Variants in FER1L6 observed in about 807,000 individuals in gnomAD.
The protein encoded by FER1L6 is fer-1 like family member 6.
FER1L6 carries 177 observed loss-of-function variants against 219.2 expected under a neutral mutation model. The ratio of observed to expected loss-of-function variants is 0.81; its 90% CI spans 0.71 to 0.91. The LOEUF is 0.91. FER1L6 is among the 40% of genes least tolerant of loss of function. FER1L6 has a pLI of 0.00. For synonymous variants in FER1L6, 768 were observed against 824.3 expected (o/e 0.93, Z 1.17); for missense variants, 2,153 against 2,259.9 (o/e 0.95, Z 0.96).
chr8:123,938,628 C>T (rs944401582), intron 1 of FER1L6, among the ~76,000 whole-genome samples: 12 of 151,096 alleles, frequency 7.9e-5, no homozygotes, highest in African/African-American at 2.7e-4. Context: ...CTCACTGCAA[C>T]CTCCACCTCC....
intron 1 of FER1L6, among the ~76,000 whole-genome samples, chr8:123,930,869 C>T (rs1813737588): frequency 6.6e-6 from 1 of 152,116 alleles, no homozygotes; most frequent in Admixed American, 6.5e-5. Context: ...GGATGGAGAT[C>T]ACGTCTATAC....
intron 1 of FER1L6, among the ~76,000 whole-genome samples, chr8:123,890,625 ATTTTTTTTTT>A (rs59914385): frequency 9.8e-5 from 9 of 91,432 alleles, no homozygotes; most frequent in African/African-American, 3.8e-4. Flanking sequence ...TAAAAATTTG[ATTTTTTTTTT>A]TTTTTTTTTT....
In FER1L6 at chr8:124,082,406, CG is replaced by C; in HGVS notation, c.4340del (p.Arg1447ProfsTer18). Reference sequence around the variant, plus strand: ...TGAGACCAAGATCGACCTGGAGAACCGCTTCTACAGCAAACACCGAGCCATC... The same window carrying C: ...TGAGACCAAGATCGACCTGGAGAACCCTTCTACAGCAAACACCGAGCCATC... Reference protein sequence around the residue: ...IGETKIDLENRFYSKHRAICG... With the variant: ...IGETKIDLENXFYSKHRAICG... On this transcript the variant is annotated frameshift_variant, in exon 33 of 41. Transcript: ENST00000522917. LOFTEE classifies it high-confidence loss of function. 6.2e-7 allele frequency: 1 copy of C among 1,614,054 alleles called. No homozygotes were observed.
chr8:124,020,749 G>A (rs1182110179), intron 16 of FER1L6, among the ~76,000 whole-genome samples: 3 of 152,140 alleles, frequency 2.0e-5, no homozygotes, highest in African/African-American at 4.8e-5. Context: ...GGGAAAAATA[G>A]AACCTACCTC....
chr8:124,064,023 A>G (rs778319107), intron 25 of FER1L6, among the ~76,000 whole-genome samples: 1 of 152,196 alleles, frequency 6.6e-6, no homozygotes, highest in Non-Finnish European at 1.5e-5. Context: ...CAATCCCCCT[A>G]GACACAGAAT....
chr8:124,023,408 AT>A lies in FER1L6; in HGVS notation c.2134-34del, dbSNP rs763695125. 23 of 1,598,800 alleles carry A rather than the reference AT, an allele frequency of 1.4e-5. No homozygotes were observed. In the African/African-American group the frequency reaches 3.0e-4, roughly 21 times the overall value. On this transcript the variant is annotated intron_variant, in intron 17 of 40. Transcript: ENST00000522917. ...GTTCAATGCCAACCTTTCAAATCCC[AT>A]TCCTATTCAATCCCAACTCCCTCTA...
Position 124,049,657 on chromosome 8 carries a change from G to C in FER1L6, c.2775G>C (p.Leu925=). Residue 925 remains leucine, a synonymous_variant, in exon 22 of 41, where the codon CTG becomes CTC. Transcript: ENST00000522917. ...GATVAAPVVK[L]ADQDYEPPRL... The stretch of plus-strand genomic sequence containing the variant: ...CAGTGGCTGCTCCTGTTGTGAAGCT[G>C]GCTGACCAGGACTATGAGCCCCCCA... 6.2e-7 allele frequency: 1 copy of C among 1,614,004 alleles called. No homozygotes were observed. The highest frequency in any genetic ancestry group is 8.5e-7 in the Non-Finnish European group (1 of 1,179,988).
chr8:124,085,312 T>C (rs539199174), intron 33 of FER1L6, among the ~76,000 whole-genome samples: 1 of 152,200 alleles, frequency 6.6e-6, no homozygotes, highest in African/African-American at 2.4e-5. Context: ...AGATATATTG[T>C]TACATTATTT....
At chr8:123,909,981 G>A (rs1211170149) in intron 1 of FER1L6, among the ~76,000 whole-genome samples, 3 of 152,180 alleles carry the variant, frequency 2.0e-5, no homozygotes, top group Non-Finnish European at 2.9e-5. Flanking sequence ...ACCATTTTTA[G>A]CTTGGTGTGA....
intron 18 of FER1L6, among the ~76,000 whole-genome samples, chr8:124,027,224 T>C (rs1586608956): frequency 6.6e-6 from 1 of 152,194 alleles, no homozygotes; most frequent in East Asian, 1.9e-4. Flanking sequence ...AACTTCAACA[T>C]AAAAATTTTG....
At chr8:123,993,472 T>C (rs570565233) in intron 12 of FER1L6, among the ~76,000 whole-genome samples, 1 of 150,786 alleles carries the variant, frequency 6.6e-6, no homozygotes, top group Admixed American at 6.6e-5. Flanking sequence ...GAAGAATGTA[T>C]ATCCAAGACC....
At chr8:124,053,529 T>C (rs993652319) in intron 22 of FER1L6, among the ~76,000 whole-genome samples, 1 of 152,168 alleles carries the variant, frequency 6.6e-6, no homozygotes, top group Non-Finnish European at 1.5e-5. Flanking sequence ...AATGCCTTCA[T>C]TTGTTACCAG....
In FER1L6 at chr8:124,076,328, C is replaced by A. The variant is rs1368338645; in HGVS notation, c.4220+3C>A. The A allele has an allele frequency of 2.5e-5, 40 of 1,612,726 alleles. No individual in the cohort carries two copies. Among genetic ancestry groups the A allele is most frequent in the Non-Finnish European group, 3.3e-5 (39 of 1,179,062 alleles). ...CAACTGAACCCAGTATTTGGAAGGT[C>A]AGTGGCCATCTGGGCTGTGTTTTAT... On this transcript the variant is annotated splice_donor_region_variant and intron_variant, in intron 32 of 40. Transcript: ENST00000522917.
intron 1 of FER1L6, among the ~76,000 whole-genome samples, chr8:123,878,502 C>T (rs955908870): frequency 7.9e-5 from 12 of 152,308 alleles, no homozygotes; most frequent in Middle Eastern, 3.4e-3. Flanking sequence ...TGACTTTTGT[C>T]GCTTCTACTG....
intron 13 of FER1L6, 48 bp from the exon 14 acceptor site, chr8:124,010,546 G>A: frequency 6.2e-7 from 1 of 1,606,146 alleles, no homozygotes; most frequent in East Asian, 2.2e-5. Flanking sequence ...GGGGTTGCCT[G>A]GAAAACACTG....
intron 20 of FER1L6, among the ~76,000 whole-genome samples, chr8:124,044,228 GAC>G (rs1433016519): frequency 1.3e-5 from 2 of 152,210 alleles, no homozygotes; most frequent in African/African-American, 4.8e-5. Flanking sequence ...TGATGTCACT[GAC>G]ACAGGGTAAC....
chr8:124,061,698 A>C (rs978713896), intron 24 of FER1L6, among the ~76,000 whole-genome samples, 154 bp from the exon 25 acceptor site: 8 of 152,174 alleles, frequency 5.3e-5, no homozygotes, highest in Non-Finnish European at 8.8e-5. Context: ...CTGGCTCGGG[A>C]AGACACTGCT....
At chr8:124,034,902 C>T (rs552902338) in intron 18 of FER1L6, among the ~76,000 whole-genome samples, 3 of 152,228 alleles carry the variant, frequency 2.0e-5, no homozygotes, top group Non-Finnish European at 4.4e-5. Flanking sequence ...ACTTTCGTCT[C>T]TGTCACTTAA....
At chr8:123,952,326 T>C (rs1321313922) in intron 1 of FER1L6, among the ~76,000 whole-genome samples, 5 of 152,204 alleles carry the variant, frequency 3.3e-5, no homozygotes, top group Non-Finnish European at 7.3e-5. Flanking sequence ...GCTGCCTCCC[T>C]GCAGTGCGGG....
Sources: gnomAD v4.1 joint callset for allele counts (sites outside exome capture counted in the v4.1 genomes callset) on GRCh38, gnomAD v4.1.1 for gene constraint, MANE v1.5 for transcripts, NCBI Gene and HGNC (gene_info 2026-07-23, HGNC 2026-07-21) for gene names.